The following TEX36 variants were observed in gnomAD, a reference collection of about 807,000 sequenced individuals.
TEX36 encodes the protein testis expressed 36.
Under a neutral mutation model 13.6 loss-of-function variants are expected in TEX36, and 12 were observed. The ratio of observed to expected loss-of-function variants is 0.88; its 90% CI spans 0.56 to 1.43. TEX36 has a LOEUF of 1.43. Ranked by LOEUF, TEX36 falls within the 40% of genes most tolerant of loss-of-function variation. TEX36 has a pLI of 0.00. For synonymous variants in TEX36, 93 were observed against 83.0 expected (o/e 1.12, Z -0.65); for missense variants, 224 against 228.3 (o/e 0.98, Z 0.12).
At chr10:125,659,866 A>T (rs1377290610) in intron 3 of TEX36, among the ~76,000 whole-genome samples, 1 of 152,200 alleles carries the variant, frequency 6.6e-6, no homozygotes, top group East Asian at 1.9e-4. Context: ...TTCAGGTTCC[A>T]TGAGGATTTG....
downstream of TEX36, among the ~76,000 whole-genome samples, chr10:125,618,942 TA>T (rs11452140): frequency 0.067 from 2,913 of 43,352 alleles, 30 homozygotes; most frequent in South Asian, 0.12. Context: ...CCGTCTCTAC[TA>T]AAAAAAAAAA....
At chr10:125,584,817 A>T (rs1802014160) in intron 3 of TEX36, among the ~76,000 whole-genome samples, 1 of 152,238 alleles carries the variant, frequency 6.6e-6, no homozygotes, top group African/African-American at 2.4e-5. Flanking sequence ...GTGAGAAAAT[A>T]CATTTCTGTC....
chr10:125,586,439 T>C (rs1382121854), intron 3 of TEX36, among the ~76,000 whole-genome samples: 2 of 152,134 alleles, frequency 1.3e-5, no homozygotes, highest in Admixed American at 6.6e-5. Context: ...TTTTTGACTC[T>C]TGTGAATAGG....
At chr10:125,621,751 C>T (rs943066492) in intron 3 of TEX36, 4 of 428,238 alleles carry the variant, frequency 9.3e-6, no homozygotes, top group Non-Finnish European at 1.9e-5. Flanking sequence ...CCCAAGAGCC[C>T]CCCAGAAGCC....
chr10:125,659,094 C>CAAGA (rs1565186756), intron 3 of TEX36, among the ~76,000 whole-genome samples: 2 of 151,952 alleles, frequency 1.3e-5, no homozygotes, highest in Non-Finnish European at 2.9e-5. Flanking sequence ...GATTAATAAT[C>CAAGA]AAGAAAGAAA....
In TEX36 at chr10:125,661,881, C is replaced by G; in HGVS notation, c.148G>C (p.Gly50Arg). ...QSPHLPRQAE[G>R]KLPPIYKVRE... ...ACTTTGTATATGGGCGGCAGCTTCC[C>G]CTCCGCTTGCCGAGGCAAGTGTGGA... Residue 50 changes from glycine (G) to arginine (R), a missense_variant, in exon 2 of 4, where the codon GGG becomes CGG. By Grantham distance (125) the Gly-to-Arg change is moderately radical (BLOSUM62 -2). Coordinates refer to ENST00000368821, the MANE Select transcript of TEX36 (RefSeq NM_001128202.3). 6.4e-7 allele frequency: 1 copy of G among 1,552,012 alleles called. No homozygotes were observed. Among genetic ancestry groups the G allele is most frequent in the Non-Finnish European group, 8.7e-7 (1 of 1,147,068 alleles).
intron 3 of TEX36, among the ~76,000 whole-genome samples, chr10:125,634,693 C>T (rs1846601784): frequency 6.6e-6 from 1 of 152,132 alleles, no homozygotes; most frequent in Admixed American, 6.6e-5. Context: ...TGGATAGCGC[C>T]CATTTTGTTA....
At chr10:125,588,220 C>T (rs539662282) in intron 3 of TEX36, among the ~76,000 whole-genome samples, 2 of 152,152 alleles carry the variant, frequency 1.3e-5, no homozygotes, top group Non-Finnish European at 2.9e-5. Context: ...AATTTACATT[C>T]CAAAAGGATT....
chr10:125,601,929 G>T lies in TEX36; in HGVS notation c.265-25055C>A, dbSNP rs1449853448. 4.6e-5 allele frequency among the ~76,000 whole-genome samples: 7 copies of T among 152,268 alleles called. No homozygotes were observed. The East Asian group carries it at 9.7e-4, about 21-fold the overall frequency. On this transcript the variant is annotated intron_variant, in intron 3 of 3. Coordinates refer to the TEX36 transcript ENST00000532135. Reference sequence around the variant, plus strand: ...GTCCAGAGGCAGCACCTGCATGCGGGGTGTCTTCCTTGTCCCTGCTCTTGC... The same window carrying T: ...GTCCAGAGGCAGCACCTGCATGCGGTGTGTCTTCCTTGTCCCTGCTCTTGC...
downstream of TEX36, among the ~76,000 whole-genome samples, chr10:125,655,337 G>T (rs1417491146): frequency 6.6e-6 from 1 of 152,048 alleles, no homozygotes; most frequent in South Asian, 2.1e-4. Context: ...CCCAGCTACC[G>T]GGAAGGCTGA....
chr10:125,602,209 G>GT (rs1186219896), intron 3 of TEX36, among the ~76,000 whole-genome samples: 1 of 152,194 alleles, frequency 6.6e-6, no homozygotes, highest in Non-Finnish European at 1.5e-5. Context: ...ACGCTGCCTG[G>GT]TTTATGCGGG....
At chr10:125,617,114 C>T (rs2133556443), downstream of TEX36, among the ~76,000 whole-genome samples, 1 of 151,512 alleles carries the variant, frequency 6.6e-6, no homozygotes, top group East Asian at 1.9e-4. Context: ...CAACCCCTGC[C>T]TTTTTTTTGT....
intron 3 of TEX36, among the ~76,000 whole-genome samples, chr10:125,598,698 C>A (rs1160843141): frequency 6.6e-6 from 1 of 152,212 alleles, no homozygotes; most frequent in Non-Finnish European, 1.5e-5. Context: ...AGAGACCCAG[C>A]AGATTCACTC....
At chr10:125,631,500 C>T (rs559341712) in intron 3 of TEX36, among the ~76,000 whole-genome samples, 3 of 152,252 alleles carry the variant, frequency 2.0e-5, no homozygotes, top group African/African-American at 7.2e-5. Flanking sequence ...CTCTTAGAGG[C>T]AGGAATGATC....
chr10:125,670,014 G>A (rs145154114), intron 1 of TEX36, among the ~76,000 whole-genome samples: 15 of 152,312 alleles, frequency 9.8e-5, no homozygotes, highest in African/African-American at 3.4e-4. Context: ...TGTTTGGGTT[G>A]ACTCCATGTC....
chr10:125,605,873 C>T (rs1004655242), intron 3 of TEX36, among the ~76,000 whole-genome samples: 24 of 152,152 alleles, frequency 1.6e-4, no homozygotes, highest in African/African-American at 5.6e-4. Flanking sequence ...AAGGGCTGGG[C>T]TTACAGGCAT....
intron 1 of TEX36, among the ~76,000 whole-genome samples, chr10:125,675,161 G>A (rs1305460240): frequency 6.6e-6 from 1 of 152,190 alleles, no homozygotes; most frequent in African/African-American, 2.4e-5. Flanking sequence ...GAAGAGGGAT[G>A]GACCAGAGTC....
At chr10:125,682,037 C>T (rs1847403455) in intron 1 of TEX36, among the ~76,000 whole-genome samples, 1 of 152,076 alleles carries the variant, frequency 6.6e-6, no homozygotes, top group Non-Finnish European at 1.5e-5. Context: ...CTGTTGCTAC[C>T]CTAAAAGAAG....
chr10:125,594,048 C>A (rs1454919163), intron 3 of TEX36, among the ~76,000 whole-genome samples: 2 of 152,184 alleles, frequency 1.3e-5, no homozygotes, highest in Non-Finnish European at 2.9e-5. Context: ...CTCTCTGGAG[C>A]TCTAAGGAGC....
Sources: gnomAD v4.1 joint callset for allele counts (sites outside exome capture counted in the v4.1 genomes callset) on GRCh38, gnomAD v4.1.1 for gene constraint, MANE v1.5 for transcripts, NCBI Gene and HGNC (gene_info 2026-07-23, HGNC 2026-07-21) for gene names.